The following DTX1 variants were observed in gnomAD, a reference collection of about 807,000 sequenced individuals.
DTX1 encodes the protein deltex E3 ubiquitin ligase 1, also known as E3 ubiquitin-protein ligase DTX1.
DTX1 carries 26 observed loss-of-function variants against 57.8 expected under a neutral mutation model. The observed-to-expected ratio is 0.45, with a 90% confidence interval of 0.33 to 0.62. The LOEUF is 0.62. Among genes scored for constraint, DTX1 ranks in the 20% least tolerant of loss-of-function variants. The pLI, the probability that DTX1 is intolerant of heterozygous loss-of-function variation, is 0.02. For missense variants in DTX1, 704 were observed against 895.3 expected, an observed-to-expected ratio of 0.79 and a Z score of 2.73; for synonymous variants, 398 against 394.1, an observed-to-expected ratio of 1.01 and a Z score of -0.12.
At chr12:113,088,225 G>C (rs2136064708) in intron 3 of DTX1, among the ~76,000 whole-genome samples, 1 of 152,304 alleles carries the variant, frequency 6.6e-6, no homozygotes, top group Middle Eastern at 3.4e-3. Context: ...CAAAATAAAT[G>C]ACAAATAGAG....
intron 2 of DTX1, among the ~76,000 whole-genome samples, chr12:113,070,056 C>A (rs907683244): frequency 3.3e-5 from 5 of 152,138 alleles, no homozygotes; most frequent in Non-Finnish European, 7.4e-5. Flanking sequence ...CTTGTGTAGG[C>A]TCCAGCTGGA....
chr12:113,062,069 ACT>A (rs1555232516), intron 2 of DTX1, among the ~76,000 whole-genome samples: 1 of 149,246 alleles, frequency 6.7e-6, no homozygotes, highest in East Asian at 1.9e-4. Context: ...ACACACACAC[ACT>A]CCAACATAAT....
At chr12:113,090,892 G>C (rs750062510) in intron 3 of DTX1, among the ~76,000 whole-genome samples, 4 of 152,214 alleles carry the variant, frequency 2.6e-5, no homozygotes, top group Admixed American at 2.6e-4. Context: ...GAGCATGTGC[G>C]CATGTGTCCT....
chr12:113,060,393 G>A (rs1158844201), intron 2 of DTX1, among the ~76,000 whole-genome samples: 2 of 152,092 alleles, frequency 1.3e-5, no homozygotes, highest in African/African-American at 2.4e-5. Flanking sequence ...TGGCAGATCC[G>A]AGAGCATGAA....
At chr12:113,076,848 TGAA>T (rs1443664897) in intron 2 of DTX1, among the ~76,000 whole-genome samples, 1 of 152,156 alleles carries the variant, frequency 6.6e-6, no homozygotes, top group Non-Finnish European at 1.5e-5. Flanking sequence ...CAAACTATAA[TGAA>T]GAAGAGGACT....
intron 3 of DTX1, among the ~76,000 whole-genome samples, chr12:113,084,811 G>A (rs2044843684): frequency 6.6e-6 from 1 of 152,186 alleles, no homozygotes; most frequent in Admixed American, 6.5e-5. Flanking sequence ...AACACAATTA[G>A]GACTCAGATT....
chr12:113,070,924 G>A (rs534266204), intron 2 of DTX1, among the ~76,000 whole-genome samples: 7 of 152,368 alleles, frequency 4.6e-5, no homozygotes, highest in African/African-American at 1.7e-4. Flanking sequence ...AAGCAATGGT[G>A]TGAGGATGGA....
At chr12:113,096,604 C>A in intron 9 of DTX1, 111 bp from the exon 10 acceptor site, 2 of 1,027,866 alleles carry the variant, frequency 1.9e-6, no homozygotes, top group Non-Finnish European at 2.8e-6. Flanking sequence ...TGCTAATGGA[C>A]GAAGCCATAA....
At chr12:113,073,334 C>T (rs947697448) in intron 2 of DTX1, among the ~76,000 whole-genome samples, 1 of 152,240 alleles carries the variant, frequency 6.6e-6, no homozygotes, top group East Asian at 1.9e-4. Context: ...CTCTAACTCA[C>T]CTCCTCCCGG....
chr12:113,082,037 C>G (rs992025882), intron 3 of DTX1, among the ~76,000 whole-genome samples: 1 of 152,058 alleles, frequency 6.6e-6, no homozygotes, highest in South Asian at 2.1e-4. Flanking sequence ...TTAAACATGT[C>G]CTCCTCTGAC....
In DTX1 at chr12:113,093,231, C is replaced by G. The variant is rs903184052; in HGVS notation, c.1003+8C>G. 13 of 1,591,820 alleles carry G rather than the reference C, an allele frequency of 8.2e-6. No individual in the cohort carries two copies. Among genetic ancestry groups the G allele is most frequent in the Non-Finnish European group, 1.1e-5 (13 of 1,169,438 alleles). On this transcript the variant is annotated splice_region_variant and intron_variant, in intron 4 of 9. Coordinates refer to ENST00000548759, the MANE Select transcript of DTX1 (RefSeq NM_004416.3). The surrounding 1 kb of genome is among the most constrained non-coding windows in gnomAD (Gnocchi z 4.2). ...TCCATCCGGCCCTGGCAGGTGAGGT[C>G]TGGCCCAGGGCGGGAAAGAAGGGCG...
chr12:113,057,826 A>C lies in DTX1; in HGVS notation c.-367A>C. 8.9e-6 allele frequency: 2 copies of C among 223,546 alleles called. No individual in the cohort carries two copies. Among genetic ancestry groups the C allele is most frequent in the South Asian group, 9.5e-5 (1 of 10,558 alleles). 13.8% of individuals were successfully genotyped at this position (223,546 alleles called of 1,614,324 possible). A position where few individuals can be genotyped will look rare whatever the true frequency, so the allele number is the denominator to read the frequency against. On this transcript the variant is annotated 5_prime_UTR_variant, in exon 2 of 10. Coordinates refer to ENST00000548759, the MANE Select transcript of DTX1 (RefSeq NM_004416.3). ...AGGCCCTGTCTGGCGGGGAAGAGGG[A>C]CCAAGAGACAACACGGAAGAGGCTG...
chr12:113,074,458 C>G (rs77377337), intron 2 of DTX1, among the ~76,000 whole-genome samples: 1 of 152,258 alleles, frequency 6.6e-6, no homozygotes, highest in Admixed American at 6.5e-5. Context: ...ATTTGAGGAA[C>G]AGCAAGGAGG....
At position 113,077,213 on chromosome 12, in the gene DTX1, C is replaced by T. The variant is rs968893651; in HGVS notation, c.260-211C>T. ...TCACCCTGGCTGCCGCCTGTCCTGA[C>T]CCTCCAGCCTGTGCTGAACCTCATG... On this transcript the variant is annotated intron_variant, in intron 2 of 9. Transcript: ENST00000548759. This position sits in a 1 kb window ranked among gnomAD's most constrained non-coding sequence, Gnocchi z 7.8. Among the ~76,000 whole-genome samples the T allele has an allele frequency of 6.6e-6, 1 of 152,180 alleles. No homozygotes were observed. The highest frequency in any genetic ancestry group is 1.5e-5 in the Non-Finnish European group (1 of 68,016).
chr12:113,082,386 GAGGA>G (rs1207665421), intron 3 of DTX1, among the ~76,000 whole-genome samples: 2 of 152,188 alleles, frequency 1.3e-5, no homozygotes, highest in Non-Finnish European at 2.9e-5. Context: ...AGGGGAGTAG[GAGGA>G]AGGAAGATAG....
At chr12:113,072,546 T>G (rs914619585) in intron 2 of DTX1, among the ~76,000 whole-genome samples, 1 of 152,152 alleles carries the variant, frequency 6.6e-6, no homozygotes, top group Non-Finnish European at 1.5e-5. Context: ...AAATGCTAAG[T>G]GTTCTGCTAA....
intron 2 of DTX1, among the ~76,000 whole-genome samples, chr12:113,062,107 A>T (rs2044669222): frequency 6.6e-6 from 1 of 152,086 alleles, no homozygotes; most frequent in Non-Finnish European, 1.5e-5. Context: ...ACTCATGTGT[A>T]TGTGCTGAAA....
chr12:113,057,077 C>T (rs2136419477), intron 1 of DTX1, 133 bp downstream of exon 1: 1 of 152,334 alleles, frequency 6.6e-6, no homozygotes, highest in East Asian at 1.9e-4. Context: ...CAGCTCCTGG[C>T]TTCGCCCCCT....
At chr12:113,059,065 G>A (rs1300651795) in intron 2 of DTX1, among the ~76,000 whole-genome samples, 3 of 152,008 alleles carry the variant, frequency 2.0e-5, no homozygotes, top group Non-Finnish European at 2.9e-5. Flanking sequence ...GGGGATGGGG[G>A]GCGTTGGTGG....
Sources: gnomAD v4.1 joint callset for allele counts (sites outside exome capture counted in the v4.1 genomes callset) on GRCh38, gnomAD v4.1.1 for gene constraint, Gnocchi (gnomAD v3.1) non-coding constraint, MANE v1.5 for transcripts, NCBI Gene and HGNC (gene_info 2026-07-23, HGNC 2026-07-21) for gene names.